Variants in HACE1 observed in about 807,000 individuals in gnomAD.
HACE1 encodes the protein HECT domain and ankyrin repeat containing E3 ubiquitin protein ligase 1, also known as E3 ubiquitin-protein ligase HACE1.
In HACE1, 73 loss-of-function variants were observed where a neutral mutation model predicts 118.4. The observed-to-expected ratio is 0.62, with a 90% confidence interval of 0.51 to 0.75. The LOEUF is 0.75. Among genes scored for constraint, HACE1 ranks in the 30% least tolerant of loss-of-function variants. The probability of loss-of-function intolerance (pLI) is 0.00; values close to 1 mark genes in which losing one functional copy is unlikely to be tolerated. For synonymous variants in HACE1, 368 were observed against 374.8 expected, an observed-to-expected ratio of 0.98 and a Z score of 0.21; for missense variants, 749 against 1,102.2, an observed-to-expected ratio of 0.68 and a Z score of 4.54.
intron 19 of HACE1, among the ~76,000 whole-genome samples, chr6:104,751,670 T>G (rs1299952568): frequency 1.3e-5 from 2 of 152,114 alleles, no homozygotes; most frequent in Non-Finnish European, 2.9e-5. Flanking sequence ...AATTTAAAAA[T>G]GTATTTTGGC....
At chr6:104,823,840 A>G (rs1298697157) in intron 6 of HACE1, among the ~76,000 whole-genome samples, 1 of 152,190 alleles carries the variant, frequency 6.6e-6, no homozygotes, top group Admixed American at 6.5e-5. Context: ...TGCAGAATTC[A>G]GTCAATTATT....
At chr6:104,829,376 T>C (rs1259623244) in intron 6 of HACE1, among the ~76,000 whole-genome samples, 1 of 152,146 alleles carries the variant, frequency 6.6e-6, no homozygotes, top group African/African-American at 2.4e-5. Flanking sequence ...GAGATGTGAA[T>C]GTGTCCCAGA....
At chr6:104,740,338 A>G (rs1009830918) in intron 22 of HACE1, among the ~76,000 whole-genome samples, 1 of 151,132 alleles carries the variant, frequency 6.6e-6, no homozygotes, top group Non-Finnish European at 1.5e-5. Context: ...TGAAGGAAAT[A>G]GAGACACAAA....
At chr6:104,827,401 C>G (rs1773445240) in intron 6 of HACE1, among the ~76,000 whole-genome samples, 1 of 152,142 alleles carries the variant, frequency 6.6e-6, no homozygotes, top group Non-Finnish European at 1.5e-5. Flanking sequence ...ACTCCCAACT[C>G]ACTAATCAGT....
At chr6:104,829,933 A>C (rs1773695081) in intron 6 of HACE1, among the ~76,000 whole-genome samples, 2 of 152,238 alleles carry the variant, frequency 1.3e-5, no homozygotes, top group South Asian at 4.1e-4. Flanking sequence ...CCTAATTTTC[A>C]GTAACTTCAG....
At chr6:104,744,893 C>T (rs1005498296) in intron 20 of HACE1, among the ~76,000 whole-genome samples, 1 of 152,034 alleles carries the variant, frequency 6.6e-6, no homozygotes, top group Non-Finnish European at 1.5e-5. Context: ...TATGCAACAA[C>T]AGTTTATATG....
chr6:104,859,481 TCCACCCGA>T, intron 1 of HACE1, 78 bp downstream of exon 1: 5 of 1,035,002 alleles, frequency 4.8e-6, no homozygotes, highest in Non-Finnish European at 5.4e-6. Context: ...AGTTAGTTTT[TCCACCCGA>T]CCTTGACGCG....
intron 4 of HACE1, 96 bp from the exon 5 acceptor site, chr6:104,843,394 T>A: frequency 1.3e-6 from 1 of 750,750 alleles, no homozygotes; most frequent in South Asian, 1.4e-5. Flanking sequence ...CAATAACAGC[T>A]GATGACATCA....
chr6:104,799,917 C>T (rs1770121479), intron 7 of HACE1, among the ~76,000 whole-genome samples: 1 of 58,842 alleles, frequency 1.7e-5, no homozygotes, highest in African/African-American at 1.3e-4. Flanking sequence ...GAGCACCTCA[C>T]TTGGGAAGCT....
intron 6 of HACE1, among the ~76,000 whole-genome samples, chr6:104,823,402 A>T (rs1255831858): frequency 4.6e-5 from 7 of 152,140 alleles, no homozygotes; most frequent in Middle Eastern, 3.4e-3. Flanking sequence ...CCACTGCTCC[A>T]GACTGGGCAA....
At chr6:104,857,996 T>C (rs1776912082) in intron 1 of HACE1, among the ~76,000 whole-genome samples, 1 of 146,248 alleles carries the variant, frequency 6.8e-6, no homozygotes, top group South Asian at 2.2e-4. Flanking sequence ...AAACACAAAA[T>C]AAAAGACTAT....
chr6:104,729,591 T>G lies in HACE1; in HGVS notation c.*71A>C. The stretch of plus-strand genomic sequence containing the variant: ...GGTTGCATTTAGGCTGCTTTTTTGT[T>G]GACATTTTCCCAAATTACTTCTGCC... On this transcript the variant is annotated 3_prime_UTR_variant, in exon 24 of 24. Coordinates refer to ENST00000262903, the MANE Select transcript of HACE1 (RefSeq NM_020771.4). The G allele has an allele frequency of 8.4e-6, 7 of 837,508 alleles. No individual in the cohort carries two copies. Among genetic ancestry groups the G allele is most frequent in the African/African-American group, 1.7e-5 (1 of 60,432 alleles). The allele number at this position is 837,508 out of a possible 1,614,324, so 51.9% of individuals were successfully genotyped here. A position where few individuals can be genotyped will look rare whatever the true frequency, so the allele number is the denominator to read the frequency against.
At chr6:104,754,183 A>G in intron 19 of HACE1, among the ~76,000 whole-genome samples, 1 of 152,088 alleles carries the variant, frequency 6.6e-6, no homozygotes, top group East Asian at 1.9e-4. Flanking sequence ...CCAAAATAAG[A>G]CAGGCAGACA....
chr6:104,818,376 G>A (rs1337939536), intron 6 of HACE1, among the ~76,000 whole-genome samples: 6 of 151,992 alleles, frequency 3.9e-5, no homozygotes, highest in Non-Finnish European at 7.4e-5. Flanking sequence ...GTTCACTACT[G>A]TTATAGAAAT....
At chr6:104,795,356 A>G (rs991185408) in intron 10 of HACE1, among the ~76,000 whole-genome samples, 4 of 152,204 alleles carry the variant, frequency 2.6e-5, no homozygotes, top group African/African-American at 7.2e-5. Flanking sequence ...CATATGCCCA[A>G]ATTCACTGAA....
chr6:104,806,799 T>C (rs1326840006), intron 7 of HACE1, among the ~76,000 whole-genome samples: 1 of 152,256 alleles, frequency 6.6e-6, no homozygotes, highest in African/African-American at 2.4e-5. Context: ...ATTTAACTAA[T>C]AAGAAACTTG....
chr6:104,771,814 A>C, intron 18 of HACE1, 111 bp downstream of exon 18: 1 of 796,658 alleles, frequency 1.3e-6, no homozygotes, highest in South Asian at 1.6e-5. Context: ...GATGGGCTCC[A>C]ATCAAAATAA....
chr6:104,744,051 G>GT (rs1777129099), intron 22 of HACE1, 109 bp downstream of exon 22: 2 of 743,116 alleles, frequency 2.7e-6, no homozygotes, highest in African/African-American at 3.5e-5. Flanking sequence ...GGAAAGGGTG[G>GT]TAAGTTACTG....
At chr6:104,729,786 C>T (rs746521977) in intron 23 of HACE1, 22 bp from the exon 24 acceptor site, 4 of 963,822 alleles carry the variant, frequency 4.2e-6, no homozygotes, top group Admixed American at 1.7e-5. Context: ...AAATATACCA[C>T]CATTAAACAG....
Sources: gnomAD v4.1 joint callset for allele counts (sites outside exome capture counted in the v4.1 genomes callset) on GRCh38, gnomAD v4.1.1 for gene constraint, MANE v1.5 for transcripts, NCBI Gene and HGNC (gene_info 2026-07-23, HGNC 2026-07-21) for gene names.